Variants in CNTLN observed in about 807,000 individuals in gnomAD.
CNTLN encodes centlein, centrosomal protein.
Under a neutral mutation model 180.0 loss-of-function variants are expected in CNTLN, and 212 were observed. The observed-to-expected ratio is 1.18, with a 90% CI of 1.05 to 1.32. The LOEUF (loss-of-function observed/expected upper bound fraction) is 1.32, where lower values mean the gene tolerates loss of function less well. CNTLN is among the 40% of genes most tolerant of loss of function. The pLI is 0.00. For missense variants in CNTLN, 2,095 were observed against 1,610.9 expected, an observed-to-expected ratio of 1.30 and a Z score of -5.14; for synonymous variants, 722 against 563.1, an observed-to-expected ratio of 1.28 and a Z score of -3.99.
chr9:17,417,910 T>TTTTTGC (rs1828389013), intron 18 of CNTLN, among the ~76,000 whole-genome samples: 1 of 151,918 alleles, frequency 6.6e-6, no homozygotes. Flanking sequence ...AATTAGGAGG[T>TTTTTGC]ATAAAAAGCA....
intron 2 of CNTLN, among the ~76,000 whole-genome samples, chr9:17,143,816 T>G (rs1283670361): frequency 6.6e-6 from 1 of 152,126 alleles, no homozygotes; most frequent in Non-Finnish European, 1.5e-5. Context: ...GTAGAGTAAG[T>G]GTTCTGGAAT....
chr9:17,303,050 C>G (rs538040604), intron 7 of CNTLN, among the ~76,000 whole-genome samples: 1 of 152,260 alleles, frequency 6.6e-6, no homozygotes, highest in South Asian at 2.1e-4. Context: ...AAGCCTCGCA[C>G]CAACCTGATG....
the CNTLN span, among the ~76,000 whole-genome samples, chr9:17,523,104 A>C: frequency 6.6e-6 from 1 of 152,074 alleles, no homozygotes; most frequent in African/African-American, 2.4e-5. Flanking sequence ...TTTCATCACC[A>C]CCAGAGAGCA....
At chr9:17,223,987 T>A (rs1479699748) in intron 2 of CNTLN, among the ~76,000 whole-genome samples, 1 of 152,030 alleles carries the variant, frequency 6.6e-6, no homozygotes, top group Non-Finnish European at 1.5e-5. Flanking sequence ...GGAAAACTCT[T>A]CCCTAGGGTC....
intron 25 of CNTLN, among the ~76,000 whole-genome samples, chr9:17,497,898 A>G (rs1833543138): frequency 6.6e-6 from 1 of 152,198 alleles, no homozygotes; most frequent in Admixed American, 6.5e-5. Flanking sequence ...ATATATATGT[A>G]TGTAAATAAA....
intron 25 of CNTLN, among the ~76,000 whole-genome samples, chr9:17,495,983 G>C (rs147956264): frequency 1.5e-3 from 224 of 152,300 alleles, no homozygotes; most frequent in African/African-American, 5.0e-3. Flanking sequence ...GTGTGTAACA[G>C]GCTATATCAT....
chr9:17,369,584 A>G (rs1481473223), intron 13 of CNTLN, among the ~76,000 whole-genome samples: 2 of 151,760 alleles, frequency 1.3e-5, no homozygotes, highest in African/African-American at 4.8e-5. Context: ...GAAAAAATAA[A>G]AAAGAATCAA....
chr9:17,254,621 G>A (rs923928684), intron 5 of CNTLN, among the ~76,000 whole-genome samples: 16 of 151,398 alleles, frequency 1.1e-4, no homozygotes, highest in Non-Finnish European at 1.6e-4. Context: ...ATATAGAAAT[G>A]ATTATTTCTA....
At chr9:17,213,895 T>G (rs1413990520) in intron 2 of CNTLN, among the ~76,000 whole-genome samples, 1 of 152,202 alleles carries the variant, frequency 6.6e-6, no homozygotes, top group Non-Finnish European at 1.5e-5. Flanking sequence ...TTTTTTGTTT[T>G]CCATTTTCTT....
intron 5 of CNTLN, among the ~76,000 whole-genome samples, chr9:17,261,207 A>G (rs977053647): frequency 4.6e-5 from 7 of 151,422 alleles, no homozygotes; most frequent in Non-Finnish European, 8.8e-5. Flanking sequence ...TAATTCTGTC[A>G]AAAGTGACGT....
the CNTLN span, among the ~76,000 whole-genome samples, chr9:17,518,957 T>C: frequency 2.0e-5 from 3 of 152,166 alleles, no homozygotes; most frequent in African/African-American, 7.2e-5. Flanking sequence ...AGACAGGGTC[T>C]CTGTCACCCA....
intron 18 of CNTLN, among the ~76,000 whole-genome samples, chr9:17,420,709 T>C (rs1828653004): frequency 6.6e-6 from 1 of 152,170 alleles, no homozygotes; most frequent in African/African-American, 2.4e-5. Context: ...AACTTCTCTC[T>C]TAGTATTGCT....
At chr9:17,347,838 T>C (rs1822034660) in intron 12 of CNTLN, among the ~76,000 whole-genome samples, 1 of 152,100 alleles carries the variant, frequency 6.6e-6, no homozygotes, top group Non-Finnish European at 1.5e-5. Context: ...ATTTTATTTA[T>C]ATATATTTTT....
chr9:17,446,961 C>T (rs1016922442), intron 18 of CNTLN, among the ~76,000 whole-genome samples: 1 of 152,178 alleles, frequency 6.6e-6, no homozygotes, highest in Admixed American at 6.5e-5. Flanking sequence ...ATAACTCAGT[C>T]ATTATAATTG....
rs150927414 is a variant in CNTLN, at chr9:17,218,859, G to A, written c.450-7344G>A. ...TCATTTTGACATCTCATTAAAAGTG[G>A]GCTCAAACCCAGAAAATATGATCCT... is the stretch of plus-strand genomic sequence containing the variant. On this transcript the variant is annotated intron_variant, in intron 2 of 25. Transcript: ENST00000380647. Among the ~76,000 whole-genome samples, 769 of 151,856 alleles carry A rather than the reference G, an allele frequency of 5.1e-3. 4 individuals are homozygous for A. The highest frequency in any genetic ancestry group is 0.017 in the African/African-American group (715 of 41,392).
chr9:17,452,692 A>G (rs1244065143), intron 18 of CNTLN, among the ~76,000 whole-genome samples: 2 of 152,224 alleles, frequency 1.3e-5, no homozygotes, highest in African/African-American at 4.8e-5. Context: ...TGTAAAAAGA[A>G]TAAATGATAG....
In CNTLN at chr9:17,409,431, AATAGTACAGAC is replaced by A; in HGVS notation, c.2758_2768del (p.Val920PhefsTer14). The A allele has an allele frequency of 6.2e-7, 1 of 1,612,758 alleles. No homozygotes were observed. The highest frequency in any genetic ancestry group is 8.5e-7 in the Non-Finnish European group (1 of 1,179,522). On this transcript the variant is annotated frameshift_variant, in exon 16 of 26. Coordinates refer to ENST00000380647, the MANE Select transcript of CNTLN (RefSeq NM_017738.4). LOFTEE classifies it high-confidence loss of function. ...AAGACAGCCAAACACAAGGAAAAGAAATAGTACAGACATATTTAAATATAGATGGCAAGACC... is the reference window on the plus strand; with the variant it reads ...AAGACAGCCAAACACAAGGAAAAGAAATATTTAAATATAGATGGCAAGACC...
rs146287840 is a variant in CNTLN at position 17,394,800 on chromosome 9, T to C, written c.2346T>C (p.Asn782=). 4.3e-4 allele frequency: 702 copies of C among 1,613,926 alleles called. 3 individuals are homozygous for C. The East Asian group carries it at 0.014, about 31-fold the overall frequency. Residue 782 remains asparagine, a synonymous_variant, in exon 15 of 26, where the codon AAT becomes AAC. Coordinates refer to ENST00000380647, the MANE Select transcript of CNTLN (RefSeq NM_017738.4). Reference sequence around the variant, plus strand: ...TGAGGAGACAAGTGGCAGAAGCTAATGCATTGAGAAATGAAAATGAAGAGC... The same window carrying C: ...TGAGGAGACAAGTGGCAGAAGCTAACGCATTGAGAAATGAAAATGAAGAGC... The part of the protein sequence containing the change: ...TSLRRQVAEA[N]ALRNENEELI...
chr9:17,191,078 G>A (rs1821760037), intron 2 of CNTLN, among the ~76,000 whole-genome samples: 2 of 152,124 alleles, frequency 1.3e-5, no homozygotes, highest in Admixed American at 6.6e-5. Flanking sequence ...TAACAACTTA[G>A]TAGCCATTAG....
Sources: allele counts gnomAD v4.1 joint callset (sites outside exome capture counted in the v4.1 genomes callset), GRCh38; gene constraint gnomAD v4.1.1; transcripts MANE v1.5; gene names NCBI Gene and HGNC (gene_info 2026-07-23, HGNC 2026-07-21).